Variants in RBM43 observed in about 807,000 individuals in gnomAD.
The protein encoded by RBM43 is RNA-binding protein 43.
RBM43 carries 12 observed loss-of-function variants against 12.4 expected under a neutral mutation model. The ratio of observed to expected loss-of-function variants is 0.97; its 90% CI spans 0.62 to 1.57. RBM43 has a LOEUF of 1.57. Ranked by LOEUF, RBM43 falls within the 40% of genes most tolerant of loss-of-function variation. RBM43 has a pLI of 0.00. For missense variants in RBM43, 348 were observed against 400.1 expected, an observed-to-expected ratio of 0.87 and a Z score of 1.11; for synonymous variants, 138 against 145.7, an observed-to-expected ratio of 0.95 and a Z score of 0.38.
At chr2:151,255,219 A>G in intron 2 of RBM43, among the ~76,000 whole-genome samples, 1 of 152,174 alleles carries the variant, frequency 6.6e-6, no homozygotes, top group East Asian at 1.9e-4. Context: ...GTTCGAGACC[A>G]ACCTGGCCAA....
At position 151,261,705 on chromosome 2, in the gene RBM43, C is replaced by G. The variant is rs1159566172; in HGVS notation, c.3+20G>C. 5 of 1,599,016 alleles carry G rather than the reference C, an allele frequency of 3.1e-6. No homozygotes were observed. The highest frequency in any genetic ancestry group is 3.5e-5 in the Admixed American group (2 of 57,050). The stretch of plus-strand genomic sequence containing the variant: ...CAGGCACGGACCTGCACCGCAAAAC[C>G]CAAAGCAAAAGCAACTTGCCATGGC... On this transcript the variant is annotated intron_variant, in intron 1 of 3. Transcript: ENST00000331426.
intron 3 of RBM43, 100 bp from the exon 4 acceptor site, chr2:151,251,764 A>G (rs1682907060): frequency 1.6e-6 from 2 of 1,215,520 alleles, no homozygotes; most frequent in Admixed American, 2.6e-5. Context: ...CAGAAATTGC[A>G]ATAAACCAGG....
chr2:151,253,069 C>G (rs1682926004), intron 2 of RBM43, among the ~76,000 whole-genome samples: 1 of 152,036 alleles, frequency 6.6e-6, no homozygotes, highest in Non-Finnish European at 1.5e-5. Context: ...ATAAAGCACA[C>G]AAGGTATTAT....
At chr2:151,251,687 G>T (rs1433352679) in intron 3 of RBM43, 23 bp from the exon 4 acceptor site, 3 of 1,592,826 alleles carry the variant, frequency 1.9e-6, no homozygotes, top group South Asian at 2.3e-5. Context: ...AGAGAGAAAT[G>T]AAAACAGTAC....
intron 1 of RBM43, among the ~76,000 whole-genome samples, chr2:151,257,078 T>C (rs1404099639): frequency 6.6e-6 from 1 of 152,176 alleles, no homozygotes; most frequent in African/African-American, 2.4e-5. Context: ...TTTAGGGAAG[T>C]GGATTTATAA....
At chr2:151,255,804 A>G in intron 1 of RBM43, 61 bp from the exon 2 acceptor site, 2 of 1,174,162 alleles carry the variant, frequency 1.7e-6, no homozygotes, top group Non-Finnish European at 2.5e-6. Context: ...TAAAGATGAC[A>G]TCACACTTCA....
intron 1 of RBM43, among the ~76,000 whole-genome samples, chr2:151,260,221 G>A (rs11691055): frequency 0.36 from 54,116 of 151,388 alleles, 11,916 homozygotes; most frequent in Admixed American, 0.51. Context: ...CGCCTCCTGG[G>A]CTCAAGTGAT....
rs559650537 is a variant in RBM43 at position 151,254,776 on chromosome 2, A to G, written c.214+757T>C. Reference sequence around the variant, plus strand: ...CATTCTGATCTCAAATCCAAGCCACACTTCTCAATTCAACTTTGCCAGTAA... The same window carrying G: ...CATTCTGATCTCAAATCCAAGCCACGCTTCTCAATTCAACTTTGCCAGTAA... On this transcript the variant is annotated intron_variant, in intron 2 of 3. Coordinates refer to ENST00000331426, the MANE Select transcript of RBM43 (RefSeq NM_198557.3). 2.0e-5 allele frequency among the ~76,000 whole-genome samples: 3 copies of G among 152,294 alleles called. No individual in the cohort carries two copies. In the South Asian group the frequency reaches 6.2e-4, roughly 32 times the overall value.
chr2:151,250,781 CACTG>C lies in RBM43; in HGVS notation c.*121_*124del. ...TCCGCTGTAACATGAGGATAGTCAA[CACTG>C]ACAAAGAAGGATGACTATAAGGATT... On this transcript the variant is annotated 3_prime_UTR_variant, in exon 4 of 4. Coordinates refer to ENST00000331426, the MANE Select transcript of RBM43 (RefSeq NM_198557.3). The C allele has an allele frequency of 1.4e-6, 1 of 703,190 alleles. No individual in the cohort carries two copies. The highest frequency in any genetic ancestry group is 2.4e-6 in the Non-Finnish European group (1 of 423,472). The allele number at this position is 703,190 out of a possible 1,614,324, so 43.6% of individuals were successfully genotyped here.
At chr2:151,261,378 C>T (rs1683044004) in intron 1 of RBM43, 1 of 1,550,524 alleles carries the variant, frequency 6.4e-7, no homozygotes. Context: ...TGCGAAGCAG[C>T]TCCTCGACGA....
rs1682872310 is a variant in RBM43 at position 151,249,930 on chromosome 2, G to A, written c.*976C>T. 6.6e-6 allele frequency: 1 copy of A among 152,288 alleles called. No homozygotes were observed. Among genetic ancestry groups the A allele is most frequent in the East Asian group, 1.9e-4 (1 of 5,182 alleles). The allele number at this position is 152,288 out of a possible 1,614,324, so 9.4% of individuals were successfully genotyped here. A position where few individuals can be genotyped will look rare whatever the true frequency, so the allele number is the denominator to read the frequency against. On this transcript the variant is annotated 3_prime_UTR_variant, in exon 4 of 4. Coordinates refer to ENST00000331426, the MANE Select transcript of RBM43 (RefSeq NM_198557.3). ...TTTTTCCCCCTAGCTTCTTGAGTCTGTTTTAGTTGGATGTGACAAGAATGA... is the reference window on the plus strand; with the variant it reads ...TTTTTCCCCCTAGCTTCTTGAGTCTATTTTAGTTGGATGTGACAAGAATGA...
chr2:151,248,398 T>A lies in RBM43; in HGVS notation c.*2508A>T, dbSNP rs2105186845. ...TTTTATATCTGCTGGTTTTCAAGTG[T>A]TTTTATTTAAGTAGTATGTTAGAAT... On this transcript the variant is annotated 3_prime_UTR_variant, in exon 4 of 4. Transcript: ENST00000331426. 6.6e-6 allele frequency: 1 copy of A among 152,038 alleles called. No homozygotes were observed. The highest frequency in any genetic ancestry group is 2.1e-4 in the South Asian group (1 of 4,822). 9.4% of individuals were successfully genotyped at this position (152,038 alleles called of 1,614,324 possible).
Position 151,250,966 on chromosome 2 carries a change from A to G in RBM43, c.1014T>C (p.Ser338=). 6.2e-7 allele frequency: 1 copy of G among 1,610,714 alleles called. No homozygotes were observed. Among genetic ancestry groups the G allele is most frequent in the Non-Finnish European group, 8.5e-7 (1 of 1,178,440 alleles). The change falls in exon 4 of 4, where the codon TCT becomes TCC. Residue 338 remains serine, a synonymous_variant. Coordinates refer to ENST00000331426, the MANE Select transcript of RBM43 (RefSeq NM_198557.3). ...CTTTTTTAAACAGGTAAGTGTCAGA[A>G]GAAGATCCTATAATGTCAATGTGTG... is the stretch of plus-strand genomic sequence containing the variant. ...YRTHIDIIGS[S]SDTYLFKKGV... is the part of the protein sequence containing the mutation.
chr2:151,251,956 A>G (rs1405750119), intron 3 of RBM43, among the ~76,000 whole-genome samples: 1 of 152,184 alleles, frequency 6.6e-6, no homozygotes, highest in African/African-American at 2.4e-5. Context: ...CAATACATAC[A>G]AACTGTTCTG....
Position 151,261,747 on chromosome 2 carries a change from C to A in RBM43, c.-20G>T. 1 of 1,601,752 alleles carries A rather than the reference C, an allele frequency of 6.2e-7. No individual in the cohort carries two copies. The highest frequency in any genetic ancestry group is 1.7e-5 in the Admixed American group (1 of 57,570). The stretch of plus-strand genomic sequence containing the variant: ...TGCCATGGCGGAGGGGAGACGCGCC[C>A]TCAGCGGCCGCAGAAAGCCCACAAC... On this transcript the variant is annotated 5_prime_UTR_variant, in exon 1 of 4. In the 5' UTR this introduces an upstream ATG that the reference lacks. Coordinates refer to ENST00000331426, the MANE Select transcript of RBM43 (RefSeq NM_198557.3).
chr2:151,261,393 C>T, intron 1 of RBM43: 2 of 1,550,602 alleles, frequency 1.3e-6, no homozygotes, highest in South Asian at 2.4e-5. Flanking sequence ...CGACGAACGG[C>T]GGCGTCCCCG....
chr2:151,251,795 C>G, intron 3 of RBM43, 131 bp from the exon 4 acceptor site: 4 of 833,120 alleles, frequency 4.8e-6, no homozygotes, highest in Non-Finnish European at 7.3e-6. Context: ...CTGCCCCAGA[C>G]TTCCTGACTT....
chr2:151,250,635 A>G lies in RBM43; in HGVS notation c.*271T>C, dbSNP rs1026591080. 1.1e-5 allele frequency: 3 copies of G among 276,328 alleles called. No individual in the cohort carries two copies. The Admixed American group carries it at 1.5e-4, about 14-fold the overall frequency. 17.1% of individuals were successfully genotyped at this position (276,328 alleles called of 1,614,324 possible). ...AAAAAAAGTTTGGTGAGTTTTTTTCAAAGTTTTATTCCTTAGATATTATCT... is the reference window on the plus strand; with the variant it reads ...AAAAAAAGTTTGGTGAGTTTTTTTCGAAGTTTTATTCCTTAGATATTATCT... On this transcript the variant is annotated 3_prime_UTR_variant, in exon 4 of 4. Transcript: ENST00000331426.
chr2:151,251,031 T>C lies in RBM43; in HGVS notation c.949A>G (p.Ser317Gly), dbSNP rs1682893792. The part of the protein sequence containing the change: ...RMIKRACEQL[S>G]SRYLEVLINL... ...ATCAGGACTTCAAGGTATCTCGAAC[T>C]TAATTGTTCACATGCCCTTTTGATC... The change falls in exon 4 of 4, where the codon AGT becomes GGT. Residue 317 changes from serine to glycine, a missense_variant. Transcript: ENST00000331426. The C allele has an allele frequency of 1.2e-6, 2 of 1,614,130 alleles. No individual in the cohort carries two copies. The highest frequency in any genetic ancestry group is 1.7e-6 in the Non-Finnish European group (2 of 1,179,954).
Sources: allele counts gnomAD v4.1 joint callset (sites outside exome capture counted in the v4.1 genomes callset), GRCh38; gene constraint gnomAD v4.1.1; transcripts MANE v1.5; gene names NCBI Gene and HGNC (gene_info 2026-07-23, HGNC 2026-07-21).